The following KCNQ5 variants were observed in gnomAD, a reference collection of about 807,000 sequenced individuals.
The protein encoded by KCNQ5 is potassium voltage-gated channel subfamily KQT member 5.
Under a neutral mutation model 98.2 loss-of-function variants are expected in KCNQ5, and 30 were observed. The ratio of observed to expected loss-of-function variants is 0.31; its 90% CI spans 0.23 to 0.41. KCNQ5 has a LOEUF of 0.41. Ranked by LOEUF, KCNQ5 falls within the 10% of genes least tolerant of loss-of-function variation. The pLI is 1.00. For synonymous variants in KCNQ5, 458 were observed against 449.4 expected, an observed-to-expected ratio of 1.02 and a Z score of -0.24; for missense variants, 835 against 1,182.5, an observed-to-expected ratio of 0.71 and a Z score of 4.31.
In KCNQ5 at chr6:72,828,428, T is replaced by C. The variant is rs1298439449; in HGVS notation, c.399-175480T>C. The stretch of plus-strand genomic sequence containing the variant: ...CATTAGTGTTTTGTAGGGTTCCTTA[T>C]AGAGGACTTTCACCTTCTTGGTTAA... On this transcript the variant is annotated intron_variant, in intron 1 of 13. Transcript: ENST00000370398. 5.9e-5 allele frequency among the ~76,000 whole-genome samples: 9 copies of C among 152,112 alleles called. No homozygotes were observed. The East Asian group carries it at 1.7e-3, about 29-fold the overall frequency.
rs1765750916 is a variant in KCNQ5 at position 73,195,330 on chromosome 6, T to C, written c.2715T>C (p.Thr905=). The C allele has an allele frequency of 1.9e-6, 3 of 1,614,168 alleles. No individual in the cohort carries two copies. Among genetic ancestry groups the C allele is most frequent in the Non-Finnish European group, 2.5e-6 (3 of 1,180,020 alleles). ...EAAFASDSLR[T]GRSRSSQSIC... ...CCTTTGCATCAGACTCTCTAAGGAC[T>C]GGAAGGTCACGATCATCTCAGAGCA... The change falls in exon 14 of 14, where the codon ACT becomes ACC. Residue 905 remains threonine (T), a synonymous_variant. Coordinates refer to ENST00000370398, the MANE Select transcript of KCNQ5 (RefSeq NM_019842.4).
At chr6:72,789,782 T>C (rs1325773868) in intron 1 of KCNQ5, among the ~76,000 whole-genome samples, 7 of 152,206 alleles carry the variant, frequency 4.6e-5, no homozygotes, top group Non-Finnish European at 7.3e-5. Flanking sequence ...ACTCAAAACA[T>C]AGGACACTTA....
At chr6:72,952,415 C>A (rs536141075) in intron 1 of KCNQ5, among the ~76,000 whole-genome samples, 12 of 152,242 alleles carry the variant, frequency 7.9e-5, no homozygotes, top group African/African-American at 2.2e-4. Context: ...TCACTTTAGA[C>A]CCTTGTGTTG....
intron 1 of KCNQ5, among the ~76,000 whole-genome samples, chr6:72,947,489 T>G (rs1328829158): frequency 6.6e-6 from 1 of 152,196 alleles, no homozygotes; most frequent in East Asian, 1.9e-4. Context: ...AAGTCCGTTC[T>G]TAGCCGCTGG....
intron 1 of KCNQ5, among the ~76,000 whole-genome samples, chr6:72,665,697 C>T (rs1766778543): frequency 6.6e-6 from 1 of 152,114 alleles, no homozygotes; most frequent in Non-Finnish European, 1.5e-5. Context: ...TTTCAAATTT[C>T]CACTTGTTTA....
intron 1 of KCNQ5, among the ~76,000 whole-genome samples, chr6:72,896,090 AAC>A: frequency 6.6e-6 from 1 of 152,332 alleles, no homozygotes; most frequent in South Asian, 2.1e-4. Context: ...ATTAAATTAT[AAC>A]AAAGTTATGT....
At chr6:73,146,857 A>C (rs1033756380) in intron 10 of KCNQ5, among the ~76,000 whole-genome samples, 1 of 152,136 alleles carries the variant, frequency 6.6e-6, no homozygotes, top group African/African-American at 2.4e-5. Context: ...TGCTACAAAC[A>C]CTTCAGTGAT....
intron 1 of KCNQ5, among the ~76,000 whole-genome samples, chr6:72,889,718 C>T (rs1055247058): frequency 6.6e-6 from 1 of 152,124 alleles, no homozygotes; most frequent in African/African-American, 2.4e-5. Context: ...TAAGTCCCCC[C>T]TGCATAAAGA....
intron 1 of KCNQ5, chr6:72,987,460 A>C: frequency 1.5e-6 from 1 of 676,110 alleles, no homozygotes; most frequent in Non-Finnish European, 2.8e-6. Flanking sequence ...GACAACGAGG[A>C]ACAGAAACTG....
chr6:73,126,584 C>A (rs1389409026), intron 9 of KCNQ5, among the ~76,000 whole-genome samples: 1 of 152,160 alleles, frequency 6.6e-6, no homozygotes, highest in Admixed American at 6.5e-5. Context: ...CTGCATGCAG[C>A]AGACTGAGGT....
rs559596874 is a variant in KCNQ5 at position 72,732,412 on chromosome 6, G to A, written c.398+109825G>A. Among the ~76,000 whole-genome samples the A allele has an allele frequency of 9.2e-5, 14 of 152,242 alleles. 1 individual carries two copies. Among genetic ancestry groups the A allele is most frequent in the African/African-American group, 3.4e-4 (14 of 41,542 alleles). ...AGGGAAGGGGAGGAGGTGGTGGGAG[G>A]ATAGAATTAGTTAGCTAAAGAGAAG... is the stretch of plus-strand genomic sequence containing the variant. On this transcript the variant is annotated intron_variant, in intron 1 of 13. Transcript: ENST00000370398.
rs1448219215 is a variant in KCNQ5, at chr6:73,124,794, GT to G, written c.1247+286del. The G allele has an allele frequency of 6.6e-6, 3 of 455,858 alleles. No individual in the cohort carries two copies. The Admixed American group carries it at 1.2e-4, about 18-fold the overall frequency. 28.2% of individuals were successfully genotyped at this position (455,858 alleles called of 1,614,324 possible). On this transcript the variant is annotated intron_variant, in intron 9 of 13. Transcript: ENST00000370398. ...TGATCTTGGATTAGTCCTTGCTGTT[GT>G]TTTCCCAGACAGAAGTCTTATCAAA...
chr6:73,001,478 A>G (rs924999173), intron 1 of KCNQ5, among the ~76,000 whole-genome samples: 3 of 152,254 alleles, frequency 2.0e-5, no homozygotes, highest in Non-Finnish European at 4.4e-5. Context: ...AACTAGCAAT[A>G]AGATGTGTTT....
At chr6:72,721,189 A>G (rs1270481178) in intron 1 of KCNQ5, among the ~76,000 whole-genome samples, 2 of 152,188 alleles carry the variant, frequency 1.3e-5, no homozygotes, top group African/African-American at 4.8e-5. Context: ...TTAATATTAT[A>G]TAGTGTTTAG....
At chr6:72,819,274 C>A (rs1314577739) in intron 1 of KCNQ5, among the ~76,000 whole-genome samples, 1 of 151,974 alleles carries the variant, frequency 6.6e-6, no homozygotes, top group Admixed American at 6.6e-5. Flanking sequence ...GTATCCATCC[C>A]CTCAAGCATT....
At position 73,195,317 on chromosome 6, in the gene KCNQ5, A is replaced by T. The variant is rs773364386; in HGVS notation, c.2702A>T (p.Asp901Val). 1 of 1,613,980 alleles carries T rather than the reference A, an allele frequency of 6.2e-7. No individual in the cohort carries two copies. Residue 901 changes from aspartate to valine, a missense_variant, in exon 14 of 14, where the codon GAC (aspartate) becomes GTC (valine). Around this residue, in one of 10 missense-constraint regions of KCNQ5, gnomAD observed 416 missense variants for 446.9 expected, o/e 0.93. Transcript: ENST00000370398. Reference protein sequence around the residue: ...QPAREAAFASDSLRTGRSRSS... With the variant: ...QPAREAAFASVSLRTGRSRSS... ...GCCAGGGAAGCTGCCTTTGCATCAG[A>T]CTCTCTAAGGACTGGAAGGTCACGA... is the stretch of plus-strand genomic sequence containing the variant.
intron 1 of KCNQ5, among the ~76,000 whole-genome samples, chr6:72,655,029 T>TG (rs1766085774): frequency 5.7e-5 from 3 of 52,390 alleles, no homozygotes; most frequent in South Asian, 1.2e-3. Context: ...TCTGTCTGTC[T>TG]TTCTTTCTTT....
intron 1 of KCNQ5, among the ~76,000 whole-genome samples, chr6:72,958,106 G>A (rs1444739716): frequency 6.6e-6 from 1 of 151,948 alleles, no homozygotes; most frequent in Admixed American, 6.6e-5. Context: ...TGAATGAAAG[G>A]CATCCAAGCT....
chr6:72,773,107 C>A (rs1378270223), intron 1 of KCNQ5, among the ~76,000 whole-genome samples: 1 of 152,098 alleles, frequency 6.6e-6, no homozygotes, highest in East Asian at 1.9e-4. Flanking sequence ...ACCCAGCAAT[C>A]CCATTACTGG....
Sources: gnomAD v4.1 joint callset for allele counts (sites outside exome capture counted in the v4.1 genomes callset) on GRCh38, gnomAD v4.1.1 for gene constraint, gnomAD v4.1.1 regional missense constraint, MANE v1.5 for transcripts, NCBI Gene and HGNC (gene_info 2026-07-23, HGNC 2026-07-21) for gene names.